Variants in HTT observed in about 807,000 individuals in gnomAD.
HTT encodes the protein huntingtin.
HTT carries 104 observed loss-of-function variants against 362.3 expected under a neutral mutation model. The observed-to-expected ratio is 0.29, with a 90% confidence interval of 0.24 to 0.34. HTT has a LOEUF of 0.34. HTT is among the 10% of genes least tolerant of loss of function. HTT has a pLI of 1.00. For synonymous variants in HTT, 1,577 were observed against 1,548.7 expected, an observed-to-expected ratio of 1.02 and a Z score of -0.43; for missense variants, 3,301 against 3,928.6, an observed-to-expected ratio of 0.84 and a Z score of 4.27.
At position 3,180,642 on chromosome 4, in the gene HTT, G is replaced by C. The variant is rs1718469016; in HGVS notation, c.4740G>C (p.Gln1580His). The change falls in exon 36 of 67, where the codon CAG becomes CAC. Residue 1580 changes from glutamine to histidine, a missense_variant. Coordinates refer to ENST00000355072, the MANE Select transcript of HTT (RefSeq NM_001388492.1). ...VVVSMLLRLI[Q>H]YHQVLEMFIL... ...TGTCAATGTTACTGAGACTCATCCAGTACCATCAGGTAAGAGGAATGTATG... is the reference window on the plus strand; with the variant it reads ...TGTCAATGTTACTGAGACTCATCCACTACCATCAGGTAAGAGGAATGTATG... The C allele has an allele frequency of 2.5e-6, 4 of 1,612,414 alleles. No individual in the cohort carries two copies. The African/African-American group carries it at 5.4e-5, about 22-fold the overall frequency.
intron 50 of HTT, among the ~76,000 whole-genome samples, chr4:3,214,470 C>T (rs1463789609): frequency 6.6e-6 from 1 of 152,196 alleles, no homozygotes; most frequent in African/African-American, 2.4e-5. Flanking sequence ...AGATTAATAA[C>T]ATTACATTCA....
In HTT at chr4:3,241,690, T is replaced by C. The variant is rs1399339108; in HGVS notation, c.*1631T>C. The C allele has an allele frequency of 6.6e-6, 1 of 152,232 alleles. No homozygotes were observed. Among genetic ancestry groups the C allele is most frequent in the Non-Finnish European group, 1.5e-5 (1 of 68,056 alleles). The allele number at this position is 152,232 out of a possible 1,614,324, so 9.4% of individuals were successfully genotyped here. Reference sequence around the variant, plus strand: ...CAAGCTTCCACCTGTCCCTCTCCTATGTGGCAGCTGGGGAGCAGCTGAGAT... The same window carrying C: ...CAAGCTTCCACCTGTCCCTCTCCTACGTGGCAGCTGGGGAGCAGCTGAGAT... On this transcript the variant is annotated 3_prime_UTR_variant, in exon 67 of 67. Coordinates refer to ENST00000355072, the MANE Select transcript of HTT (RefSeq NM_001388492.1).
At chr4:3,210,317 C>T (rs908073698) in intron 47 of HTT, among the ~76,000 whole-genome samples, 1 of 152,226 alleles carries the variant, frequency 6.6e-6, no homozygotes, top group Admixed American at 6.5e-5. Flanking sequence ...ATCATCTAAG[C>T]TCCATGGCCA....
At chr4:3,215,279 C>G (rs896481972) in intron 51 of HTT, 68 bp downstream of exon 51, 1 of 1,190,192 alleles carries the variant, frequency 8.4e-7, no homozygotes, top group Non-Finnish European at 1.2e-6. Flanking sequence ...TTCACAGAGA[C>G]GTGCACCGCG....
intron 2 of HTT, among the ~76,000 whole-genome samples, chr4:3,096,630 CA>C (rs1713870935): frequency 6.6e-6 from 1 of 152,066 alleles, no homozygotes; most frequent in Non-Finnish European, 1.5e-5. Context: ...GAAGTGAAGT[CA>C]AAAGGGAAAT....
At chr4:3,090,313 A>G (rs1369609186) in intron 2 of HTT, among the ~76,000 whole-genome samples, 1 of 152,210 alleles carries the variant, frequency 6.6e-6, no homozygotes, top group East Asian at 1.9e-4. Flanking sequence ...CATCTGGAAA[A>G]TTTGTTAAAA....
In HTT at chr4:3,223,912, C is replaced by T. The variant is rs1483475654; in HGVS notation, c.7626-80C>T. The T allele has an allele frequency of 1.2e-5, 18 of 1,478,596 alleles. No individual in the cohort carries two copies. In the East Asian group the frequency reaches 2.0e-4, roughly 17 times the overall value. 91.6% of individuals were successfully genotyped at this position (1,478,596 alleles called of 1,614,324 possible). A position where few individuals can be genotyped will look rare whatever the true frequency, so the allele number is the denominator to read the frequency against. On this transcript the variant is annotated intron_variant, in intron 55 of 66. Coordinates refer to ENST00000355072, the MANE Select transcript of HTT (RefSeq NM_001388492.1). ...TTACACCAGGTTCCTTTAGGCAAAG[C>T]GGAGGGAAAGTTCTGGTGTTTTTCA... is the stretch of plus-strand genomic sequence containing the variant.
intron 29 of HTT, 83 bp from the exon 30 acceptor site, chr4:3,172,237 C>T: frequency 1.2e-6 from 1 of 826,494 alleles, no homozygotes; most frequent in African/African-American, 1.7e-5. Flanking sequence ...TGGAAGTTAT[C>T]TTGTACCTTC....
intron 28 of HTT, among the ~76,000 whole-genome samples, chr4:3,157,417 T>G (rs772477585): frequency 1.4e-4 from 21 of 152,214 alleles, no homozygotes; most frequent in Non-Finnish European, 2.4e-4. Context: ...CAGCTAAGAT[T>G]GATTACAGTG....
intron 66 of HTT, among the ~76,000 whole-genome samples, 164 bp downstream of exon 66, chr4:3,239,142 A>G (rs909226909): frequency 3.9e-5 from 6 of 152,194 alleles, no homozygotes; most frequent in East Asian, 1.9e-4. Flanking sequence ...GGGTACAGAA[A>G]GGAGCACGTC....
At chr4:3,086,795 G>C in intron 1 of HTT, 144 bp from the exon 2 acceptor site, 2 of 540,322 alleles carry the variant, frequency 3.7e-6, no homozygotes, top group South Asian at 2.8e-5. Flanking sequence ...TCCCTGTCCA[G>C]ATCCCCATTC....
chr4:3,242,177 C>G lies in HTT; in HGVS notation c.*2118C>G, dbSNP rs1275041136. The G allele has an allele frequency of 2.0e-5, 3 of 152,130 alleles. No individual in the cohort carries two copies. Among genetic ancestry groups the G allele is most frequent in the Admixed American group, 1.3e-4 (2 of 15,270 alleles). 9.4% of individuals were successfully genotyped at this position (152,130 alleles called of 1,614,324 possible). On this transcript the variant is annotated 3_prime_UTR_variant, in exon 67 of 67. Coordinates refer to ENST00000355072, the MANE Select transcript of HTT (RefSeq NM_001388492.1). The stretch of plus-strand genomic sequence containing the variant: ...AAGAAATAACACTGTGAATGTAAAA[C>G]AGAGCCATTCCCTTGGAATGCATAT...
Position 3,154,421 on chromosome 4 carries a change from T to A in HTT, c.3625+2T>A. On this transcript the variant is annotated splice_donor_variant, in intron 27 of 66. Transcript: ENST00000355072. LOFTEE classifies it high-confidence loss of function. ...AGAAAGGCAGTGAGGCCAGTGCAGGTAGGAAACAGCGTGGGGAAGGGAGGG... is the reference window on the plus strand; with the variant it reads ...AGAAAGGCAGTGAGGCCAGTGCAGGAAGGAAACAGCGTGGGGAAGGGAGGG... The A allele has an allele frequency of 6.2e-7, 1 of 1,613,506 alleles. No homozygotes were observed. Among genetic ancestry groups the A allele is most frequent in the Non-Finnish European group, 8.5e-7 (1 of 1,179,814 alleles).
chr4:3,101,625 T>C lies in HTT; in HGVS notation c.469-2199T>C, dbSNP rs928659148. On this transcript the variant is annotated intron_variant, in intron 3 of 66. Coordinates refer to ENST00000355072, the MANE Select transcript of HTT (RefSeq NM_001388492.1). ...ATGGCTGTGTGTGTATGGTGAAAAC[T>C]AGGTTCTACTTAGCCCAAGAAAATG... 3.3e-5 allele frequency among the ~76,000 whole-genome samples: 5 copies of C among 152,336 alleles called. No individual in the cohort carries two copies. The South Asian group carries it at 6.2e-4, about 19-fold the overall frequency.
chr4:3,121,788 C>G (rs757012224), intron 9 of HTT: 1 of 178,824 alleles, frequency 5.6e-6, no homozygotes, highest in Non-Finnish European at 1.2e-5. Context: ...ATTGCTTAAG[C>G]CCAAGAGGTT....
At chr4:3,200,753 G>A (rs189688531) in intron 41 of HTT, among the ~76,000 whole-genome samples, 7 of 152,356 alleles carry the variant, frequency 4.6e-5, no homozygotes, top group East Asian at 1.9e-4. Context: ...ACTCTGTGCC[G>A]TATGTAGTGG....
chr4:3,144,206 T>G (rs1177955267), intron 23 of HTT, among the ~76,000 whole-genome samples: 2 of 152,238 alleles, frequency 1.3e-5, no homozygotes, highest in Admixed American at 1.3e-4. Context: ...TTTTTCTTCT[T>G]TATATTTTTC....
chr4:3,235,718 G>A lies in HTT; in HGVS notation c.8725G>A (p.Val2909Met), dbSNP rs376136833. 6.0e-5 allele frequency: 96 copies of A among 1,612,834 alleles called. No homozygotes were observed. The African/African-American group carries it at 7.5e-4, about 13-fold the overall frequency. ...LVKLSVDRVN[V>M]HSPHRAMAAL... ...CAAGCTGAGTGTGGACAGAGTGAACGTGCACAGCCCGCACCGGGCCATGGC... is the reference window on the plus strand; with the variant it reads ...CAAGCTGAGTGTGGACAGAGTGAACATGCACAGCCCGCACCGGGCCATGGC... Residue 2909 changes from valine (V) to methionine (M), a missense_variant, in exon 63 of 67, where the codon GTG becomes ATG. By Grantham distance (21) the Val-to-Met change is conservative. Coordinates refer to ENST00000355072, the MANE Select transcript of HTT (RefSeq NM_001388492.1).
intron 54 of HTT, among the ~76,000 whole-genome samples, 180 bp from the exon 55 acceptor site, chr4:3,223,226 C>A (rs1681269226): frequency 6.6e-6 from 1 of 152,244 alleles, no homozygotes; most frequent in African/African-American, 2.4e-5. Context: ...CAGATTGTTT[C>A]AGGGCCCGTG....
Sources: allele counts gnomAD v4.1 joint callset (sites outside exome capture counted in the v4.1 genomes callset), GRCh38; gene constraint gnomAD v4.1.1; transcripts MANE v1.5; gene names NCBI Gene and HGNC (gene_info 2026-07-23, HGNC 2026-07-21).